Variants in DSP observed in about 807,000 individuals in gnomAD.
DSP encodes the protein 250/210 kDa paraneoplastic pemphigus antigen.
In DSP, 114 loss-of-function variants were observed where a neutral mutation model predicts 290.6. The observed-to-expected ratio is 0.39, with a 90% CI of 0.34 to 0.46. The LOEUF (loss-of-function observed/expected upper bound fraction) is 0.46. Ranked by LOEUF, DSP falls within the 20% of genes least tolerant of loss-of-function variation. The probability of loss-of-function intolerance (pLI) is 0.99; values close to 1 mark genes in which losing one functional copy is unlikely to be tolerated. For missense variants in DSP, 3,230 were observed against 3,495.8 expected, an observed-to-expected ratio of 0.92 and a Z score of 1.92; for synonymous variants, 1,311 against 1,316.4, an observed-to-expected ratio of 1.00 and a Z score of 0.09.
intron 13 of DSP, 132 bp downstream of exon 13, chr6:7,570,695 C>T: frequency 7.6e-7 from 1 of 1,312,456 alleles, no homozygotes; most frequent in South Asian, 1.3e-5. Flanking sequence ...TCAGCTCAGC[C>T]CTCCTTAGAG....
At position 7,583,403 on chromosome 6, in the gene DSP, G is replaced by A. The variant is rs374226658; in HGVS notation, c.6141G>A (p.Met2047Ile). 1 of 1,614,168 alleles carries A rather than the reference G, an allele frequency of 6.2e-7. No individual in the cohort carries two copies. The highest frequency in any genetic ancestry group is 8.5e-7 in the Non-Finnish European group (1 of 1,180,056). Residue 2047 changes from methionine (M) to isoleucine (I), a missense_variant, in exon 24 of 24, where the codon ATG (methionine) becomes ATA (isoleucine). Met to Ile is a conservative substitution (Grantham distance 10). This residue lies in a region of DSP where 1,714 missense variants were observed against 1,844.5 expected (regional missense o/e 0.93). Transcript: ENST00000379802. The surrounding 1 kb of genome is among the most constrained non-coding windows in gnomAD (Gnocchi z 4.0). Reference protein sequence around the residue: ...KKLISPESTVMLLEAQAATGG... With the variant: ...KKLISPESTVILLEAQAATGG... ...TAATCAGCCCAGAATCCACAGTCAT[G>A]CTTCTGGAGGCCCAGGCAGCTACAG...
In DSP at chr6:7,579,815, A is replaced by C. The variant is rs1283110287; in HGVS notation, c.3625A>C (p.Lys1209Gln). The change falls in exon 23 of 24, where the codon AAG (lysine) becomes CAG (glutamine). Residue 1209 changes from lysine (K) to glutamine (Q), a missense_variant. By Grantham distance (53) the Lys-to-Gln change is moderately conservative (BLOSUM62 1). This residue lies in a region of DSP where 1,714 missense variants were observed against 1,844.5 expected (regional missense o/e 0.93). Transcript: ENST00000379802. This position sits in a 1 kb window ranked among gnomAD's most constrained non-coding sequence, Gnocchi z 4.1. Reference sequence around the variant, plus strand: ...TGAGGAGATGAGTAATTTAAGGAACAAGTATGAAACAGAGATTAACATTAC... The same window carrying C: ...TGAGGAGATGAGTAATTTAAGGAACCAGTATGAAACAGAGATTAACATTAC... ...YNEEMSNLRN[K>Q]YETEINITKT... The C allele has an allele frequency of 1.9e-6, 3 of 1,614,182 alleles. No individual in the cohort carries two copies. The highest frequency in any genetic ancestry group is 1.7e-5 in the Admixed American group (1 of 60,022).
At chr6:7,575,011 G>A (rs912273570) in intron 17 of DSP, among the ~76,000 whole-genome samples, 4 of 152,204 alleles carry the variant, frequency 2.6e-5, no homozygotes, top group African/African-American at 7.2e-5. Flanking sequence ...GGATTAGTTT[G>A]GGGAATGCTG....
At position 7,586,174 on chromosome 6, in the gene DSP, T is replaced by G. The variant is rs1212516938; in HGVS notation, c.*296T>G. 3.3e-6 allele frequency: 1 copy of G among 305,836 alleles called. No homozygotes were observed. Among genetic ancestry groups the G allele is most frequent in the Non-Finnish European group, 6.0e-6 (1 of 165,370 alleles). The allele number at this position is 305,836 out of a possible 1,614,324, so 18.9% of individuals were successfully genotyped here. A position where few individuals can be genotyped will look rare whatever the true frequency, so the allele number is the denominator to read the frequency against. ...TTCTTCTCTTCTGTGTTTCGATTTT[T>G]GATCAATTCTTTAATTTTGGAAGCC... On this transcript the variant is annotated 3_prime_UTR_variant, in exon 24 of 24. Transcript: ENST00000379802.
intron 1 of DSP, among the ~76,000 whole-genome samples, chr6:7,555,010 T>G (rs911399333): frequency 7.2e-5 from 11 of 152,158 alleles, no homozygotes; most frequent in Admixed American, 2.0e-4. Flanking sequence ...TCAGCCCGAC[T>G]TGCCAGTGAA....
chr6:7,579,606 A>G lies in DSP; in HGVS notation c.3416A>G (p.Tyr1139Cys), dbSNP rs1759352647. The G allele has an allele frequency of 6.2e-7, 1 of 1,613,928 alleles. No individual in the cohort carries two copies. The highest frequency in any genetic ancestry group is 1.3e-5 in the African/African-American group (1 of 74,944). Reference protein sequence around the residue: ...EDRFDQQKNDYDQLQKARQCE... With the variant: ...EDRFDQQKNDCDQLQKARQCE... ...AGATTTGACCAACAGAAGAATGACT[A>G]TGACCAACTGCAGAAAGCAAGGCAA... is the stretch of plus-strand genomic sequence containing the variant. Residue 1139 changes from tyrosine (Y) to cysteine (C), a missense_variant, in exon 23 of 24, where the codon TAT (tyrosine) becomes TGT (cysteine). Around this residue, in one of 5 missense-constraint regions of DSP, gnomAD observed 1,714 missense variants for 1,844.5 expected, o/e 0.93. Coordinates refer to ENST00000379802, the MANE Select transcript of DSP (RefSeq NM_004415.4). The surrounding 1 kb of genome is among the most constrained non-coding windows in gnomAD (Gnocchi z 4.1).
In DSP at chr6:7,584,997, G is replaced by C. The variant is rs750744914; in HGVS notation, c.7735G>C (p.Asp2579His). 4 of 1,614,090 alleles carry C rather than the reference G, an allele frequency of 2.5e-6. No homozygotes were observed. Among genetic ancestry groups the C allele is most frequent in the East Asian group, 2.2e-5 (1 of 44,904 alleles). ...CAGCAGCATGGGCAGTGGTGTCAGC[G>C]ATGATGTTTTTAGCAGCTCCCGACA... ...TSSSMGSGVS[D>H]DVFSSSRHES... The change falls in exon 24 of 24, where the codon GAT (aspartate) becomes CAT (histidine). Residue 2579 changes from aspartate (D) to histidine (H), a missense_variant. Transcript: ENST00000379802. This position sits in a 1 kb window ranked among gnomAD's most constrained non-coding sequence, Gnocchi z 6.4.
Position 7,571,484 on chromosome 6 carries a change from A to G in DSP, c.1803A>G (p.Gly601=). Residue 601 remains glycine (G), a synonymous_variant, in exon 14 of 24, where the codon GGA becomes GGG. Coordinates refer to ENST00000379802, the MANE Select transcript of DSP (RefSeq NM_004415.4). The part of the protein sequence containing the change: ...IRNSQGSEMF[G]DDDKRKIQSQ... ...ATAGCCAAGGCTCAGAGATGTTTGG[A>G]GATGATGACAAGCGGAAAATACAGT... 6.2e-7 allele frequency: 1 copy of G among 1,614,220 alleles called. No homozygotes were observed. The highest frequency in any genetic ancestry group is 8.5e-7 in the Non-Finnish European group (1 of 1,180,048).
At chr6:7,578,285 A>T in intron 21 of DSP, among the ~76,000 whole-genome samples, 179 bp from the exon 22 acceptor site, 1 of 152,188 alleles carries the variant, frequency 6.6e-6, no homozygotes, top group East Asian at 1.9e-4. Context: ...TGAGAATGGG[A>T]TACATTTTTG....
rs2113665093 is a variant in DSP at position 7,562,684 on chromosome 6, C to T, written c.630C>T (p.Asp210=). 8.1e-6 allele frequency: 13 copies of T among 1,614,072 alleles called. No individual in the cohort carries two copies. Among genetic ancestry groups the T allele is most frequent in the Non-Finnish European group, 1.1e-5 (13 of 1,180,002 alleles). The stretch of plus-strand genomic sequence containing the variant: ...TGGACATGGTGGCCTGGGGTGTGGA[C>T]CTGGCCTCAGTGGAGCAGCACATTA... ...AEMDMVAWGV[D]LASVEQHINS... Residue 210 remains aspartate (D), a synonymous_variant, in exon 5 of 24, where the codon GAC becomes GAT. Transcript: ENST00000379802.
In DSP at chr6:7,585,822, G is replaced by A. The variant is rs769336879; in HGVS notation, c.8560G>A (p.Gly2854Arg). 1 of 1,612,416 alleles carries A rather than the reference G, an allele frequency of 6.2e-7. No homozygotes were observed. Among genetic ancestry groups the A allele is most frequent in the African/African-American group, 1.3e-5 (1 of 74,780 alleles). ...GSRRGSFDATGNSSYSYSYSF... is the reference protein window; with the variant it reads ...GSRRGSFDATRNSSYSYSYSF... ...CCGGAGAGGAAGCTTTGACGCCACA[G>A]GGAATTCTTCCTACTCTTATTCCTA... The change falls in exon 24 of 24, where the codon GGG becomes AGG. Residue 2854 changes from glycine to arginine, a missense_variant. Gly to Arg is a moderately radical substitution (Grantham distance 125). Transcript: ENST00000379802.
intron 1 of DSP, among the ~76,000 whole-genome samples, chr6:7,554,875 C>T (rs1249893856): frequency 6.6e-6 from 1 of 152,076 alleles, no homozygotes; most frequent in Non-Finnish European, 1.5e-5. Context: ...GGCTGGTCTC[C>T]AACTCCTAGA....
intron 1 of DSP, among the ~76,000 whole-genome samples, chr6:7,542,719 G>A (rs755004206): frequency 2.6e-5 from 4 of 152,214 alleles, no homozygotes; most frequent in Non-Finnish European, 4.4e-5. Context: ...CTTCCCCGCC[G>A]GGGCGGCTGC....
intron 3 of DSP, 54 bp from the exon 4 acceptor site, chr6:7,559,172 C>A: frequency 1.2e-6 from 2 of 1,600,324 alleles, no homozygotes; most frequent in Non-Finnish European, 1.7e-6. Context: ...TTGCCCAGAA[C>A]GGGTTTTCAT....
At chr6:7,552,526 G>T (rs1758370557) in intron 1 of DSP, among the ~76,000 whole-genome samples, 1 of 145,220 alleles carries the variant, frequency 6.9e-6, no homozygotes, top group African/African-American at 2.5e-5. Flanking sequence ...TCATGCCACT[G>T]CACTCCAGCC....
At position 7,580,016 on chromosome 6, in the gene DSP, C is replaced by G. The variant is rs1487309339; in HGVS notation, c.3826C>G (p.Gln1276Glu). The change falls in exon 23 of 24, where the codon CAG becomes GAG. Residue 1276 changes from glutamine (Q) to glutamate (E), a missense_variant. Gln to Glu is a conservative substitution (Grantham distance 29). Around this residue, in one of 5 missense-constraint regions of DSP, gnomAD observed 1,714 missense variants for 1,844.5 expected, o/e 0.93. Transcript: ENST00000379802. The surrounding 1 kb of genome is among the most constrained non-coding windows in gnomAD (Gnocchi z 4.2). ...AAGGCGAGCTGAAGAAAACGCCCTT[C>G]AGCAAAAGGCCTGTGGCTCTGAGAT... is the stretch of plus-strand genomic sequence containing the variant. Reference protein sequence around the residue: ...QRRRAEENALQQKACGSEIMQ... With the variant: ...QRRRAEENALEQKACGSEIMQ... The G allele has an allele frequency of 2.5e-6, 4 of 1,614,104 alleles. No homozygotes were observed. The highest frequency in any genetic ancestry group is 3.4e-6 in the Non-Finnish European group (4 of 1,180,032).
At chr6:7,557,289 G>A (rs1382745560) in intron 2 of DSP, among the ~76,000 whole-genome samples, 1 of 152,186 alleles carries the variant, frequency 6.6e-6, no homozygotes, top group Non-Finnish European at 1.5e-5. Context: ...ACCCAGCTTC[G>A]CCCAGTAGTG....
Position 7,585,528 on chromosome 6 carries a change from A to C in DSP, c.8266A>C (p.Ile2756Leu). Residue 2756 changes from isoleucine (I) to leucine (L), a missense_variant, in exon 24 of 24, where the codon ATA (isoleucine) becomes CTA (leucine). Physicochemically the swap from Ile to Leu is conservative, Grantham distance 5. Coordinates refer to ENST00000379802, the MANE Select transcript of DSP (RefSeq NM_004415.4). ...STEEAIRKGF[I>L]DGRAAQRLQD... ...CGAAGAAGCCATCCGGAAGGGGTTC[A>C]TAGATGGCCGCGCCGCACAGAGGCT... is the stretch of plus-strand genomic sequence containing the variant. 6.2e-7 allele frequency: 1 copy of C among 1,614,224 alleles called. No individual in the cohort carries two copies. The highest frequency in any genetic ancestry group is 8.5e-7 in the Non-Finnish European group (1 of 1,180,048).
intron 15 of DSP, among the ~76,000 whole-genome samples, chr6:7,573,079 G>C (rs1054508177): frequency 2.0e-5 from 3 of 152,100 alleles, no homozygotes; most frequent in African/African-American, 7.2e-5. Flanking sequence ...CTGTACTCCA[G>C]TCTGGGCAAC....
Sources: allele counts gnomAD v4.1 joint callset (sites outside exome capture counted in the v4.1 genomes callset), GRCh38; gene constraint gnomAD v4.1.1; regional missense constraint gnomAD v4.1.1; non-coding constraint Gnocchi (gnomAD v3.1); transcripts MANE v1.5; gene names NCBI Gene and HGNC (gene_info 2026-07-23, HGNC 2026-07-21).